The following GRM5 variants were observed in gnomAD, a reference collection of about 807,000 sequenced individuals.
GRM5 encodes the protein metabotropic glutamate receptor 5.
Under a neutral mutation model 83.1 loss-of-function variants are expected in GRM5, and 19 were observed. That is an observed-to-expected ratio of 0.23 (90% CI 0.16 to 0.34). GRM5 has a LOEUF of 0.34. Ranked by LOEUF, GRM5 falls within the 10% of genes least tolerant of loss-of-function variation. The pLI is 1.00. For synonymous variants in GRM5, 675 were observed against 633.6 expected (o/e 1.07, Z -0.98); for missense variants, 1,160 against 1,588.3 (o/e 0.73, Z 4.58).
chr11:88,626,517 C>CG (rs767769870), intron 4 of GRM5, among the ~76,000 whole-genome samples: 34 of 152,022 alleles, frequency 2.2e-4, no homozygotes, highest in Admixed American at 1.1e-3. Context: ...TTTATGTGTT[C>CG]GGAAGTGTTG....
chr11:88,952,116 A>G (rs1938483009), intron 2 of GRM5, among the ~76,000 whole-genome samples: 1 of 51,846 alleles, frequency 1.9e-5, no homozygotes, highest in Non-Finnish European at 6.4e-5. Flanking sequence ...CCATGTGCAC[A>G]TACAAACAAA....
At position 88,746,293 on chromosome 11, in the gene GRM5, G is replaced by C. The variant is rs143335503; in HGVS notation, c.912-92890C>G. Among the ~76,000 whole-genome samples, 7 of 152,118 alleles carry C rather than the reference G, an allele frequency of 4.6e-5. No homozygotes were observed. In the East Asian group the frequency reaches 1.4e-3, roughly 29 times the overall value. ...GTGTGTTTCCTCTGAAATATATATA[G>C]ACTTCCACAATAACTTCTACAACAC... On this transcript the variant is annotated intron_variant, in intron 3 of 9. Transcript: ENST00000305447.
intron 4 of GRM5, among the ~76,000 whole-genome samples, chr11:88,627,104 A>G (rs895664026): frequency 7.9e-5 from 12 of 152,218 alleles, no homozygotes; most frequent in African/African-American, 2.9e-4. Context: ...TCTGCTAGGC[A>G]TTTAATATTA....
chr11:88,988,121 A>G (rs1230748113), intron 2 of GRM5, among the ~76,000 whole-genome samples: 11 of 149,392 alleles, frequency 7.4e-5, no homozygotes, highest in Admixed American at 4.7e-4. Context: ...AAAAAAATTT[A>G]GAAGAATGTA....
intron 2 of GRM5, among the ~76,000 whole-genome samples, chr11:88,912,470 T>C (rs185083136): frequency 6.7e-5 from 10 of 149,972 alleles, no homozygotes; most frequent in Admixed American, 5.4e-4. Context: ...TCTCTCTTTC[T>C]CTGCATTGTC....
At chr11:88,799,742 AGC>A (rs779711339) in intron 3 of GRM5, among the ~76,000 whole-genome samples, 51 of 152,310 alleles carry the variant, frequency 3.3e-4, no homozygotes, top group Non-Finnish European at 8.8e-5. Context: ...CCATGGTCAC[AGC>A]AGTTCTACGA....
chr11:88,912,298 T>C (rs1373558673), intron 2 of GRM5, among the ~76,000 whole-genome samples: 1 of 151,794 alleles, frequency 6.6e-6, no homozygotes, highest in African/African-American at 2.4e-5. Context: ...AACAAATTGA[T>C]GTTTGTTACT....
At chr11:88,546,527 G>T (rs1393362751) in intron 8 of GRM5, among the ~76,000 whole-genome samples, 6 of 151,930 alleles carry the variant, frequency 3.9e-5, no homozygotes, top group Non-Finnish European at 8.8e-5. Flanking sequence ...TAAAACTTTT[G>T]TTGCAGTTTG....
intron 2 of GRM5, among the ~76,000 whole-genome samples, chr11:88,893,949 T>G (rs947075557): frequency 7.9e-5 from 12 of 152,148 alleles, no homozygotes; most frequent in Admixed American, 6.6e-4. Flanking sequence ...TTCTTTTTAA[T>G]GAAACACAGC....
intron 2 of GRM5, among the ~76,000 whole-genome samples, chr11:89,021,532 T>G (rs1015937199): frequency 6.6e-6 from 1 of 152,178 alleles, no homozygotes; most frequent in Non-Finnish European, 1.5e-5. Context: ...AATGATTAAC[T>G]GCACAGCTCA....
intron 4 of GRM5, among the ~76,000 whole-genome samples, chr11:88,649,449 A>G (rs1401671529): frequency 1.4e-5 from 2 of 143,922 alleles, no homozygotes; most frequent in Non-Finnish European, 3.0e-5. Context: ...TATGTATTAT[A>G]TATTATATAT....
intron 3 of GRM5, among the ~76,000 whole-genome samples, chr11:88,802,703 G>A (rs1734801070): frequency 6.6e-6 from 1 of 151,156 alleles, no homozygotes; most frequent in Non-Finnish European, 1.5e-5. Context: ...GGCAGGAGAA[G>A]GAAATAAAGG....
At chr11:88,923,830 G>A (rs970464365) in intron 2 of GRM5, among the ~76,000 whole-genome samples, 16 of 133,940 alleles carry the variant, frequency 1.2e-4, no homozygotes, top group East Asian at 6.4e-4. Flanking sequence ...ATATATATTC[G>A]TATACCTGAA....
chr11:89,052,045 TGCATTTTGACA>T lies in GRM5; in HGVS notation c.-200-3984_-200-3974del, dbSNP rs570901837. Among the ~76,000 whole-genome samples, 252 of 152,348 alleles carry T rather than the reference TGCATTTTGACA, an allele frequency of 1.7e-3. 3 individuals are homozygous for T. The highest frequency in any genetic ancestry group is 0.014 in the Middle Eastern group (4 of 294). On this transcript the variant is annotated intron_variant, in intron 1 of 9. Coordinates refer to ENST00000305447, the MANE Select transcript of GRM5 (RefSeq NM_001143831.3). The stretch of plus-strand genomic sequence containing the variant: ...CCTAGCTTCTAGTTTGACAGCCTAG[TGCATTTTGACA>T]GCATTAATACAGATAGGGTAGACTA...
At chr11:89,012,611 G>A (rs1056984337) in intron 2 of GRM5, among the ~76,000 whole-genome samples, 25 of 152,294 alleles carry the variant, frequency 1.6e-4, no homozygotes, top group Admixed American at 4.6e-4. Context: ...AAGAACTGCT[G>A]CACAGAAACC....
In GRM5 at chr11:88,889,162, C is replaced by T. The variant is rs192370559; in HGVS notation, c.662-39007G>A. 1.1e-3 allele frequency among the ~76,000 whole-genome samples: 166 copies of T among 152,258 alleles called. 1 individual carries two copies. The highest frequency in any genetic ancestry group is 2.9e-3 in the South Asian group (14 of 4,826). On this transcript the variant is annotated intron_variant, in intron 2 of 9. Coordinates refer to ENST00000305447, the MANE Select transcript of GRM5 (RefSeq NM_001143831.3). ...AGAGATGGTCAAAATCTTGTAGCCT[C>T]CAGCTGTGTGACTCCTAAGCCATGG...
chr11:88,632,076 A>G (rs78271545), intron 4 of GRM5, among the ~76,000 whole-genome samples: 28 of 152,136 alleles, frequency 1.8e-4, no homozygotes, highest in African/African-American at 6.7e-4. Context: ...ATGAAACCAC[A>G]CAAAAGTCAA....
rs1460130787 is a variant in GRM5, at chr11:88,885,747, T to C, written c.662-35592A>G. 7.9e-5 allele frequency among the ~76,000 whole-genome samples: 12 copies of C among 152,086 alleles called. 1 individual carries two copies. The East Asian group carries it at 2.3e-3, about 29-fold the overall frequency. On this transcript the variant is annotated intron_variant, in intron 2 of 9. Transcript: ENST00000305447. ...TAGGGAGATAGCAAGGGTTTGGGAATCCTCAGTCACACTTTTTACCTCATG... is the reference window on the plus strand; with the variant it reads ...TAGGGAGATAGCAAGGGTTTGGGAACCCTCAGTCACACTTTTTACCTCATG...
intron 2 of GRM5, among the ~76,000 whole-genome samples, chr11:88,926,652 A>G (rs756422140): frequency 1.4e-4 from 22 of 152,204 alleles, no homozygotes; most frequent in African/African-American, 3.9e-4. Context: ...TTTTATTTCA[A>G]AATGACTGTT....
Sources: gnomAD v4.1 joint callset for allele counts (sites outside exome capture counted in the v4.1 genomes callset) on GRCh38, gnomAD v4.1.1 for gene constraint, MANE v1.5 for transcripts, NCBI Gene and HGNC (gene_info 2026-07-23, HGNC 2026-07-21) for gene names.